RNF216: variants seen among roughly 807,000 people sequenced by gnomAD.
The protein encoded by RNF216 is ring finger protein 216, also known as E3 ubiquitin-protein ligase RNF216.
RNF216 carries 72 observed loss-of-function variants against 110.8 expected under a neutral mutation model. The observed-to-expected ratio is 0.65, with a 90% CI of 0.54 to 0.79. RNF216 has a LOEUF of 0.79. Ranked by LOEUF, RNF216 falls within the 30% of genes least tolerant of loss-of-function variation. The pLI, the probability that RNF216 is intolerant of heterozygous loss-of-function variation, is 0.00. For missense variants in RNF216, 1,342 were observed against 1,141.2 expected (o/e 1.18, Z -2.54); for synonymous variants, 495 against 407.5 (o/e 1.21, Z -2.59).
intron 13 of RNF216, among the ~76,000 whole-genome samples, chr7:5,659,995 C>T (rs1475140374): frequency 5.4e-5 from 8 of 149,426 alleles, no homozygotes; most frequent in African/African-American, 2.0e-4. Context: ...TGCTCTGTTG[C>T]CCAGGCTGGA....
chr7:5,692,570 C>G lies in RNF216; in HGVS notation c.2061+19191G>C, dbSNP rs3801008. ...GCCAGAGCTTGTGCTGCAAGCAGAGCCCGTGCAGAAGGCGAGCGAGGAGAA... is the reference window on the plus strand; with the variant it reads ...GCCAGAGCTTGTGCTGCAAGCAGAGGCCGTGCAGAAGGCGAGCGAGGAGAA... On this transcript the variant is annotated intron_variant, in intron 13 of 16. Transcript: ENST00000389902. 7.1e-3 allele frequency among the ~76,000 whole-genome samples: 1,077 copies of G among 152,310 alleles called. 22 individuals are homozygous for G. The highest frequency in any genetic ancestry group is 0.067 in the East Asian group (345 of 5,178).
intron 2 of RNF216, among the ~76,000 whole-genome samples, chr7:5,756,791 C>A (rs1193146794): frequency 6.6e-6 from 1 of 152,072 alleles, no homozygotes; most frequent in Non-Finnish European, 1.5e-5. Context: ...CCATACCCAG[C>A]TAAATTTTTT....
At chr7:5,774,261 G>A (rs1796656288) in intron 1 of RNF216, among the ~76,000 whole-genome samples, 1 of 152,166 alleles carries the variant, frequency 6.6e-6, no homozygotes, top group Admixed American at 6.6e-5. Flanking sequence ...TTTGTAAAAT[G>A]AGAATACAGT....
At chr7:5,731,069 T>C (rs1214568015) in intron 5 of RNF216, among the ~76,000 whole-genome samples, 1 of 152,236 alleles carries the variant, frequency 6.6e-6, no homozygotes, top group Non-Finnish European at 1.5e-5. Flanking sequence ...CTCTGAAGTT[T>C]ATGTATCAAT....
rs759063276 is a variant in RNF216 at position 5,741,794 on chromosome 7, G to A, written c.223C>T (p.Arg75Ter). Reference sequence around the variant, plus strand: ...GCAGCTGGTTTGATGAGATTGGGTCGTGATCTCTGAGGTTTATTTGTCTAA... The same window carrying A: ...GCAGCTGGTTTGATGAGATTGGGTCATGATCTCTGAGGTTTATTTGTCTAA... ...LTETNKPQRSRPNLIKPAAQW... is the reference protein window; with the variant it reads ...LTETNKPQRS The change falls in exon 4 of 17, where the codon CGA becomes TGA. Residue 75 changes from arginine (R) to a stop codon, truncating the protein, a stop_gained. Coordinates refer to ENST00000389902, the MANE Select transcript of RNF216 (RefSeq NM_207111.4). LOFTEE classifies it high-confidence loss of function. 1.4e-5 allele frequency: 23 copies of A among 1,609,552 alleles called. No homozygotes were observed. Among genetic ancestry groups the A allele is most frequent in the Admixed American group, 3.4e-5 (2 of 58,936 alleles).
chr7:5,642,567 CAT>C (rs544998079), intron 14 of RNF216, among the ~76,000 whole-genome samples: 150 of 151,878 alleles, frequency 9.9e-4, no homozygotes, highest in African/African-American at 3.6e-3. Context: ...AAACGGTTCA[CAT>C]GTCTCAGCTT....
rs575089022 is a variant in RNF216, at chr7:5,620,219, C to A, written c.*2641G>T. On this transcript the variant is annotated 3_prime_UTR_variant, in exon 17 of 17. Coordinates refer to ENST00000389902, the MANE Select transcript of RNF216 (RefSeq NM_207111.4). ...TTTATACAAAGTGACAGATCATGCA[C>A]ATTTTTTTCAGTTTTTAAATATTTT... is the stretch of plus-strand genomic sequence containing the variant. 2.0e-5 allele frequency: 3 copies of A among 152,346 alleles called. No homozygotes were observed. The highest frequency in any genetic ancestry group is 7.2e-5 in the African/African-American group (3 of 41,570). The allele number at this position is 152,346 out of a possible 1,614,324, so 9.4% of individuals were successfully genotyped here. A position where few individuals can be genotyped will look rare whatever the true frequency, so the allele number is the denominator to read the frequency against.
chr7:5,730,909 AG>A lies in RNF216; in HGVS notation c.1122-93del, dbSNP rs562159512. On this transcript the variant is annotated intron_variant, in intron 5 of 16. Transcript: ENST00000389902. ...GCAATGGTTGAAGAATATAGTCCTTAGTCACACATTACAACTGGCCTATCAA... is the reference window on the plus strand; with the variant it reads ...GCAATGGTTGAAGAATATAGTCCTTATCACACATTACAACTGGCCTATCAA... 8.2e-4 allele frequency: 1,264 copies of A among 1,539,280 alleles called. 4 individuals are homozygous for A. The highest frequency in any genetic ancestry group is 2.5e-3 in the Admixed American group (127 of 51,328).
chr7:5,732,730 C>G (rs1378241047), intron 5 of RNF216, among the ~76,000 whole-genome samples: 1 of 152,226 alleles, frequency 6.6e-6, no homozygotes, highest in East Asian at 1.9e-4. Flanking sequence ...GTTCTAATAT[C>G]TGCACCCTGG....
At chr7:5,676,176 A>AT (rs1418904526) in intron 13 of RNF216, among the ~76,000 whole-genome samples, 1 of 151,184 alleles carries the variant, frequency 6.6e-6, no homozygotes, top group Non-Finnish European at 1.5e-5. Flanking sequence ...GGCCCGGCTA[A>AT]TTTTTTTGTA....
chr7:5,761,910 T>C (rs1562471279), intron 1 of RNF216, among the ~76,000 whole-genome samples: 2 of 152,192 alleles, frequency 1.3e-5, no homozygotes, highest in Non-Finnish European at 2.9e-5. Flanking sequence ...ATATTCTGAA[T>C]AGCAATTAGC....
rs184514272 is a variant in RNF216 at position 5,652,234 on chromosome 7, C to T, written c.2159+179G>A. Among the ~76,000 whole-genome samples, 12 of 152,254 alleles carry T rather than the reference C, an allele frequency of 7.9e-5. No homozygotes were observed. In the East Asian group the frequency reaches 2.1e-3, roughly 27 times the overall value. ...GTTAGTTTGTCTTCTGAAATAACTCCATGAGGCTGCAGAGATGAGGAAACA... is the reference window on the plus strand; with the variant it reads ...GTTAGTTTGTCTTCTGAAATAACTCTATGAGGCTGCAGAGATGAGGAAACA... On this transcript the variant is annotated intron_variant, in intron 14 of 16. Coordinates refer to ENST00000389902, the MANE Select transcript of RNF216 (RefSeq NM_207111.4).
At chr7:5,663,883 G>C (rs189475792) in intron 13 of RNF216, among the ~76,000 whole-genome samples, 20 of 152,182 alleles carry the variant, frequency 1.3e-4, no homozygotes, top group Admixed American at 1.3e-3. Flanking sequence ...GGGCGACAGA[G>C]AGGGAGTCCG....
chr7:5,749,127 T>C (rs1410376271), intron 3 of RNF216, among the ~76,000 whole-genome samples: 1 of 150,678 alleles, frequency 6.6e-6, no homozygotes, highest in Non-Finnish European at 1.5e-5. Flanking sequence ...AGCTGTGTTC[T>C]GATCAGCAAA....
At chr7:5,670,458 G>T (rs534088827) in intron 13 of RNF216, among the ~76,000 whole-genome samples, 1 of 152,216 alleles carries the variant, frequency 6.6e-6, no homozygotes, top group Admixed American at 6.5e-5. Context: ...GGTAAAAAAA[G>T]TCTTTTACTT....
In RNF216 at chr7:5,741,701, C is replaced by A. The variant is rs138532657; in HGVS notation, c.316G>T (p.Asp106Tyr). 5.0e-6 allele frequency: 8 copies of A among 1,614,106 alleles called. No homozygotes were observed. In the African/African-American group the frequency reaches 1.1e-4, roughly 22 times the overall value. ...CACACTGAAAAATAGCTGCTCTTATCTGATTCAAATGCTGCTCTAGACTTT... is the reference window on the plus strand; with the variant it reads ...CACACTGAAAAATAGCTGCTCTTATATGATTCAAATGCTGCTCTAGACTTT... ...PKKSRAAFES[D>Y]KSSYFSVCNN... Residue 106 changes from aspartate (D) to tyrosine (Y), a missense_variant, in exon 4 of 17, where the codon GAT (aspartate) becomes TAT (tyrosine). Transcript: ENST00000389902.
At chr7:5,651,869 A>C (rs994877180) in intron 14 of RNF216, among the ~76,000 whole-genome samples, 1 of 152,028 alleles carries the variant, frequency 6.6e-6, no homozygotes, top group Non-Finnish European at 1.5e-5. Context: ...GGATGGTCTC[A>C]ATCTCCTGAC....
chr7:5,657,515 C>T (rs1013956930), intron 13 of RNF216, among the ~76,000 whole-genome samples: 3 of 151,706 alleles, frequency 2.0e-5, no homozygotes, highest in Admixed American at 6.6e-5. Flanking sequence ...TGCGGTGAGC[C>T]GAAATCTTGC....
rs753036691 is a variant in RNF216 at position 5,658,654 on chromosome 7, C to CAAAAAA, written c.2062-6150_2062-6145dup. Among the ~76,000 whole-genome samples the CAAAAAA allele has an allele frequency of 1.2e-3, 92 of 74,888 alleles. 2 individuals carry two copies. Among genetic ancestry groups the CAAAAAA allele is most frequent in the African/African-American group, 3.2e-3 (78 of 24,568 alleles). 49.1% of individuals were successfully genotyped at this position (74,888 alleles called of 152,430 possible). Reference sequence around the variant, plus strand: ...TCTGGGTGACAGAGAGAGACTGTCTCAAAAAAAAAAAAAAAAAAAAATTTT... The same window carrying CAAAAAA: ...TCTGGGTGACAGAGAGAGACTGTCTCAAAAAAAAAAAAAAAAAAAAAAAAAAATTTT... On this transcript the variant is annotated intron_variant, in intron 13 of 16. Coordinates refer to ENST00000389902, the MANE Select transcript of RNF216 (RefSeq NM_207111.4).
Sources: allele counts gnomAD v4.1 joint callset (sites outside exome capture counted in the v4.1 genomes callset), GRCh38; gene constraint gnomAD v4.1.1; transcripts MANE v1.5; gene names NCBI Gene and HGNC (gene_info 2026-07-23, HGNC 2026-07-21).